Variants in PI4KA observed in about 807,000 individuals in gnomAD.
PI4KA encodes the protein phosphatidylinositol 4-kinase alpha.
In PI4KA, 122 loss-of-function variants were observed where a neutral mutation model predicts 271.4. The observed-to-expected ratio is 0.45, with a 90% CI of 0.39 to 0.52. The LOEUF (loss-of-function observed/expected upper bound fraction) is 0.52. Among genes scored for constraint, PI4KA ranks in the 20% least tolerant of loss-of-function variants. The pLI, the probability that PI4KA is intolerant of heterozygous loss-of-function variation, is 0.00. For missense variants in PI4KA, 1,969 were observed against 2,769.1 expected (o/e 0.71, Z 6.48); for synonymous variants, 1,041 against 1,078.8 (o/e 0.96, Z 0.69).
At chr22:20,849,791 T>C (rs6004590) in intron 1 of PI4KA, among the ~76,000 whole-genome samples, 9,704 of 152,188 alleles carry the variant, frequency 0.064, 1,007 homozygotes, top group African/African-American at 0.22. Flanking sequence ...GAGGCAGAGC[T>C]TGCAGTGAGC....
intron 19 of PI4KA, among the ~76,000 whole-genome samples, chr22:20,774,878 G>A (rs561763937): frequency 6.6e-6 from 1 of 152,032 alleles, no homozygotes; most frequent in South Asian, 2.1e-4. Flanking sequence ...GAACACACAC[G>A]TACGTACACA....
At position 20,727,368 on chromosome 22, in the gene PI4KA, G is replaced by A. The variant is rs376032431; in HGVS notation, c.4803C>T (p.Ala1601=). The A allele has an allele frequency of 2.9e-5, 46 of 1,607,264 alleles. No homozygotes were observed. Among genetic ancestry groups the A allele is most frequent in the South Asian group, 2.7e-4 (24 of 90,458 alleles). Residue 1601 remains alanine, a synonymous_variant, in exon 41 of 55, where the codon GCC becomes GCT. Coordinates refer to ENST00000255882, the MANE Select transcript of PI4KA (RefSeq NM_058004.4). The stretch of plus-strand genomic sequence containing the variant: ...GCACATGGCTGAGCTCTGGAGCATC[G>A]GCGTCGATGGTGTGCCAGGTGACCA... ...KFLVTWHTID[A]DAPELSHVLC... is the part of the protein sequence containing the mutation.
chr22:20,810,508 C>CA (rs780553411), intron 9 of PI4KA, among the ~76,000 whole-genome samples: 334 of 114,958 alleles, frequency 2.9e-3, no homozygotes, highest in East Asian at 9.8e-3. Flanking sequence ...GACTCCATCT[C>CA]AAAAAAAAAA....
At chr22:20,746,576 G>A (rs1270063317) in intron 29 of PI4KA, among the ~76,000 whole-genome samples, 1 of 152,184 alleles carries the variant, frequency 6.6e-6, no homozygotes, top group African/African-American at 2.4e-5. Context: ...AAAGGCTTAT[G>A]ACTATCATAA....
chr22:20,732,733 C>G (rs1368408662), intron 36 of PI4KA, among the ~76,000 whole-genome samples: 3 of 152,204 alleles, frequency 2.0e-5, no homozygotes, highest in Admixed American at 6.5e-5. Context: ...AGGGAAAGTG[C>G]GGTGAGTGGA....
chr22:20,830,961 C>T (rs1006133712), intron 3 of PI4KA, among the ~76,000 whole-genome samples: 3 of 152,040 alleles, frequency 2.0e-5, no homozygotes, highest in South Asian at 2.1e-4. Flanking sequence ...TTAGTGGAAA[C>T]GGGGTTTCAC....
chr22:20,750,389 C>A (rs1265561868), intron 27 of PI4KA, among the ~76,000 whole-genome samples: 1 of 152,170 alleles, frequency 6.6e-6, no homozygotes, highest in East Asian at 1.9e-4. Flanking sequence ...ACACTTCGGC[C>A]CTCAGAACTG....
chr22:20,710,177 C>A (rs555836057), intron 52 of PI4KA, 180 bp from the exon 53 acceptor site: 3 of 656,692 alleles, frequency 4.6e-6, no homozygotes, highest in South Asian at 1.7e-5. Context: ...GTAACCCATA[C>A]CGCCCAGGCA....
intron 2 of PI4KA, among the ~76,000 whole-genome samples, chr22:20,836,476 T>C (rs918912173): frequency 1.3e-5 from 2 of 152,204 alleles, no homozygotes; most frequent in Non-Finnish European, 2.9e-5. Flanking sequence ...CTGAACCACA[T>C]GGCCTCCTGC....
At chr22:20,788,554 C>T (rs199748147) in intron 19 of PI4KA, among the ~76,000 whole-genome samples, 1 of 152,212 alleles carries the variant, frequency 6.6e-6, no homozygotes, top group East Asian at 1.9e-4. Flanking sequence ...GCAGGGGGAC[C>T]CTGCAGCCCT....
chr22:20,770,539 G>A (rs1331591739), intron 19 of PI4KA, among the ~76,000 whole-genome samples: 3 of 121,248 alleles, frequency 2.5e-5, no homozygotes, highest in African/African-American at 6.6e-5. Context: ...AAAAGAGAGA[G>A]AGAGAGATCG....
At chr22:20,711,933 T>C (rs1055298401) in intron 50 of PI4KA, among the ~76,000 whole-genome samples, 23 of 151,126 alleles carry the variant, frequency 1.5e-4, no homozygotes, top group African/African-American at 5.1e-4. Context: ...TTAGTAGAGA[T>C]GGGGTTTCAC....
At chr22:20,839,648 G>A (rs1021622025) in intron 1 of PI4KA, among the ~76,000 whole-genome samples, 11 of 152,158 alleles carry the variant, frequency 7.2e-5, no homozygotes, top group African/African-American at 1.7e-4. Context: ...TGGCCAATAC[G>A]GTGAAACCCC....
intron 3 of PI4KA, among the ~76,000 whole-genome samples, chr22:20,827,940 G>A (rs774466686): frequency 6.6e-6 from 1 of 152,018 alleles, no homozygotes; most frequent in South Asian, 2.1e-4. Flanking sequence ...GATTACAGGC[G>A]TGCACTACCA....
At position 20,708,083 on chromosome 22, in the gene PI4KA, G is replaced by A. The variant is rs1336569500; in HGVS notation, c.6273C>T (p.Asp2091=). Residue 2091 remains aspartate (D), a synonymous_variant, in exon 55 of 55, where the codon GAC becomes GAT. Coordinates refer to ENST00000255882, the MANE Select transcript of PI4KA (RefSeq NM_058004.4). ...TGTCATTCTGATAGTACTGGATCAT[G>A]TCGTAGGTCCGGCTCCTGAAAGGCC... ...CFLSNRSRTY[D]MIQYYQNDIP... is the part of the protein sequence containing the mutation. 2 of 1,613,540 alleles carry A rather than the reference G, an allele frequency of 1.2e-6. No individual in the cohort carries two copies.
At chr22:20,820,466 A>G (rs1922496324) in intron 5 of PI4KA, 73 bp downstream of exon 5, 4 of 996,024 alleles carry the variant, frequency 4.0e-6, no homozygotes, top group African/African-American at 1.6e-5. Context: ...CCAACAACAG[A>G]AAAGACTGGA....
chr22:20,796,329 G>T lies in PI4KA; in HGVS notation c.2109-15C>A, dbSNP rs1934984147. 5.6e-6 allele frequency: 9 copies of T among 1,608,396 alleles called. No homozygotes were observed. Among genetic ancestry groups the T allele is most frequent in the Non-Finnish European group, 6.8e-6 (8 of 1,176,836 alleles). ...GGGAGCAATGCCTGAAGAAGAAGGA[G>T]TGAAATAACAGCCACTGCCAGGCCC... On this transcript the variant is annotated splice_polypyrimidine_tract_variant and intron_variant, in intron 17 of 54. Coordinates refer to ENST00000255882, the MANE Select transcript of PI4KA (RefSeq NM_058004.4).
intron 43 of PI4KA, 75 bp from the exon 44 acceptor site, chr22:20,718,897 C>G: frequency 6.6e-7 from 1 of 1,523,148 alleles, no homozygotes; most frequent in Admixed American, 1.9e-5. Flanking sequence ...CCCTGTTTCC[C>G]AGGCCCCAGA....
At chr22:20,785,726 A>C (rs919496775) in intron 19 of PI4KA, among the ~76,000 whole-genome samples, 3 of 152,250 alleles carry the variant, frequency 2.0e-5, no homozygotes, top group African/African-American at 7.2e-5. Flanking sequence ...ACCATAAACC[A>C]GGAAAAGTTC....
Sources: allele counts gnomAD v4.1 joint callset (sites outside exome capture counted in the v4.1 genomes callset), GRCh38; gene constraint gnomAD v4.1.1; transcripts MANE v1.5; gene names NCBI Gene and HGNC (gene_info 2026-07-23, HGNC 2026-07-21).